Variants in TLN2 observed in about 807,000 individuals in gnomAD.
The protein encoded by TLN2 is talin-2.
In TLN2, 118 loss-of-function variants were observed where a neutral mutation model predicts 294.7. The observed-to-expected ratio is 0.40, with a 90% CI of 0.34 to 0.47. TLN2 has a LOEUF of 0.47. Among genes scored for constraint, TLN2 ranks in the 20% least tolerant of loss-of-function variants. The pLI is 0.84. For synonymous variants in TLN2, 1,431 were observed against 1,304.5 expected (o/e 1.10, Z -2.09); for missense variants, 3,083 against 3,282.2 (o/e 0.94, Z 1.48).
At chr15:62,520,212 A>G (rs1033379413) in intron 1 of TLN2, among the ~76,000 whole-genome samples, 8 of 152,256 alleles carry the variant, frequency 5.3e-5, no homozygotes, top group Non-Finnish European at 1.0e-4. Context: ...GCCAAACCAT[A>G]TCAGTGTCTA....
chr15:62,619,285 C>T (rs1010747713), intron 3 of TLN2, among the ~76,000 whole-genome samples: 1 of 152,184 alleles, frequency 6.6e-6, no homozygotes, highest in African/African-American at 2.4e-5. Flanking sequence ...AAGAGTGAGG[C>T]GCTGGAGAAG....
intron 2 of TLN2, among the ~76,000 whole-genome samples, chr15:62,612,095 C>A (rs1385883172): frequency 6.6e-6 from 1 of 152,152 alleles, no homozygotes; most frequent in Non-Finnish European, 1.5e-5. Flanking sequence ...CCCCCTGACC[C>A]AGCATCTACC....
intron 1 of TLN2, among the ~76,000 whole-genome samples, chr15:62,462,062 A>G (rs1455242864): frequency 6.6e-6 from 1 of 151,926 alleles, no homozygotes; most frequent in Non-Finnish European, 1.5e-5. Context: ...CTCTACTAAA[A>G]ATACAAAATA....
chr15:62,787,428 C>A (rs1352211379), intron 45 of TLN2, among the ~76,000 whole-genome samples: 2 of 152,274 alleles, frequency 1.3e-5, no homozygotes, highest in East Asian at 1.9e-4. Flanking sequence ...AAAGACCAGG[C>A]TTTTAACTTC....
Position 62,702,015 on chromosome 15 carries a change from A to G in TLN2, c.1720A>G (p.Thr574Ala). ...AGGTGACCCTGCAGACACTGACTAC[A>G]CAGCTGTGGGATGTGCGATCACCAC... Reference protein sequence around the residue: ...TAGDPADTDYTAVGCAITTIS... With the variant: ...TAGDPADTDYAAVGCAITTIS... Residue 574 changes from threonine (T) to alanine (A), a missense_variant, in exon 18 of 59, where the codon ACA becomes GCA. Thr to Ala is a moderately conservative substitution (Grantham distance 58). Transcript: ENST00000636159. 1 of 1,614,182 alleles carries G rather than the reference A, an allele frequency of 6.2e-7. No homozygotes were observed. Among genetic ancestry groups the G allele is most frequent in the Admixed American group, 1.7e-5 (1 of 60,036 alleles).
At chr15:62,444,972 A>G (rs568993871) in intron 1 of TLN2, among the ~76,000 whole-genome samples, 1 of 152,312 alleles carries the variant, frequency 6.6e-6, no homozygotes, top group Admixed American at 6.5e-5. Flanking sequence ...ACAAAGAACC[A>G]CTATGCTTTA....
intron 6 of TLN2, 40 bp downstream of exon 6, chr15:62,652,174 T>C: frequency 6.8e-7 from 1 of 1,474,468 alleles, no homozygotes; most frequent in Non-Finnish European, 9.0e-7. Flanking sequence ...TTTTGCTTAG[T>C]TTTTAATTAC....
chr15:62,798,362 C>T (rs1235713694), intron 48 of TLN2, among the ~76,000 whole-genome samples: 1 of 152,126 alleles, frequency 6.6e-6, no homozygotes, highest in Non-Finnish European at 1.5e-5. Context: ...CAGACCATTG[C>T]TCCTCAAGGA....
chr15:62,754,194 C>G (rs774032266), intron 36 of TLN2: 1 of 302,158 alleles, frequency 3.3e-6, no homozygotes, highest in African/African-American at 2.2e-5. Flanking sequence ...TTTCAGGGGA[C>G]GTGAATTGAG....
chr15:62,792,389 G>A (rs910450610), intron 45 of TLN2, among the ~76,000 whole-genome samples: 3 of 152,184 alleles, frequency 2.0e-5, no homozygotes, highest in African/African-American at 7.2e-5. Flanking sequence ...GGAAAGATAT[G>A]TATCAAGGAG....
chr15:62,475,235 GA>G (rs1456728913), intron 1 of TLN2, among the ~76,000 whole-genome samples: 1 of 152,124 alleles, frequency 6.6e-6, no homozygotes, highest in African/African-American at 2.4e-5. Flanking sequence ...TTCAAGTTAA[GA>G]AAATAAACTT....
At chr15:62,459,306 T>C (rs1253963007) in intron 1 of TLN2, among the ~76,000 whole-genome samples, 2 of 151,480 alleles carry the variant, frequency 1.3e-5, no homozygotes, top group African/African-American at 4.9e-5. Flanking sequence ...GGCCTTTTTT[T>C]TTTTTTTTTT....
chr15:62,582,246 A>ACACACACACACACAC (rs764248336), intron 1 of TLN2, among the ~76,000 whole-genome samples: 1 of 137,240 alleles, frequency 7.3e-6, no homozygotes, highest in Non-Finnish European at 1.6e-5. Flanking sequence ...ACACACACAC[A>ACACACACACACACAC]CATTCATGCC....
At chr15:62,816,415 T>A (rs1018909351) in intron 52 of TLN2, among the ~76,000 whole-genome samples, 20 of 152,220 alleles carry the variant, frequency 1.3e-4, no homozygotes, top group Non-Finnish European at 2.6e-4. Flanking sequence ...TGGCAGAGCT[T>A]TAATTTGGAT....
chr15:62,744,834 C>G (rs1297097228), intron 32 of TLN2, among the ~76,000 whole-genome samples: 1 of 152,192 alleles, frequency 6.6e-6, no homozygotes, highest in South Asian at 2.1e-4. Context: ...GCGTGAGTCA[C>G]CGCGCCTGGC....
At position 62,819,040 on chromosome 15, in the gene TLN2, A is replaced by G. The variant is rs554504527; in HGVS notation, c.6772-476A>G. On this transcript the variant is annotated intron_variant, in intron 52 of 58. Transcript: ENST00000636159. ...CCAGCCAATTTTTAATTTTTTTTTAATTAGAGATGAGGTCTTGCTATGTTG... is the reference window on the plus strand; with the variant it reads ...CCAGCCAATTTTTAATTTTTTTTTAGTTAGAGATGAGGTCTTGCTATGTTG... Among the ~76,000 whole-genome samples, 880 of 151,586 alleles carry G rather than the reference A, an allele frequency of 5.8e-3. 15 individuals carry two copies. Among genetic ancestry groups the G allele is most frequent in the African/African-American group, 0.02 (838 of 41,318 alleles).
intron 54 of TLN2, among the ~76,000 whole-genome samples, chr15:62,825,011 A>C (rs924242080): frequency 6.6e-6 from 1 of 152,210 alleles, no homozygotes; most frequent in Non-Finnish European, 1.5e-5. Flanking sequence ...AGGTGAATGC[A>C]TAGTGACAGG....
chr15:62,817,556 A>G (rs535413034), intron 52 of TLN2, among the ~76,000 whole-genome samples: 3 of 152,346 alleles, frequency 2.0e-5, no homozygotes, highest in East Asian at 3.9e-4. Context: ...TCATCTGTAC[A>G]CTGCCGTGTC....
At chr15:62,761,549 T>C (rs545041311) in intron 37 of TLN2, 132 bp from the exon 38 acceptor site, 1 of 1,265,208 alleles carries the variant, frequency 7.9e-7, no homozygotes, top group African/African-American at 1.5e-5. Flanking sequence ...TTCCTATTTA[T>C]TGTTTATGAA....
Sources: allele counts gnomAD v4.1 joint callset (sites outside exome capture counted in the v4.1 genomes callset), GRCh38; gene constraint gnomAD v4.1.1; transcripts MANE v1.5; gene names NCBI Gene and HGNC (gene_info 2026-07-23, HGNC 2026-07-21).